The following RBFOX2 variants were observed in gnomAD, a reference collection of about 807,000 sequenced individuals.
RBFOX2 encodes the protein RNA binding fox-1 homolog 2.
A neutral mutation model predicts 49.1 loss-of-function variants in RBFOX2; 10 were observed. The observed-to-expected ratio is 0.20, with a 90% CI of 0.13 to 0.35. The LOEUF is 0.35. Ranked by LOEUF, RBFOX2 falls within the 10% of genes least tolerant of loss-of-function variation. RBFOX2 has a pLI of 1.00. For missense variants in RBFOX2, 323 were observed against 486.9 expected, an observed-to-expected ratio of 0.66 and a Z score of 3.17; for synonymous variants, 183 against 187.4, an observed-to-expected ratio of 0.98 and a Z score of 0.19.
upstream of RBFOX2, among the ~76,000 whole-genome samples, chr22:35,962,289 C>T (rs1329156481): frequency 1.3e-5 from 2 of 152,190 alleles, no homozygotes; most frequent in Admixed American, 6.5e-5. Context: ...TGATCAAACA[C>T]ACTAAGCCTG....
chr22:35,870,532 G>C (rs1281071649), intron 1 of RBFOX2, among the ~76,000 whole-genome samples: 1 of 152,132 alleles, frequency 6.6e-6, no homozygotes, highest in Non-Finnish European at 1.5e-5. Flanking sequence ...AAAATACACA[G>C]AAGTATACTG....
At chr22:35,977,046 T>C (rs1184276053) in intron 1 of RBFOX2, among the ~76,000 whole-genome samples, 2 of 151,274 alleles carry the variant, frequency 1.3e-5, no homozygotes, top group Non-Finnish European at 2.9e-5. Flanking sequence ...AGACCCATCA[T>C]CAAAGAGATA....
At chr22:36,015,757 C>A (rs185387560) in intron 1 of RBFOX2, among the ~76,000 whole-genome samples, 3 of 151,940 alleles carry the variant, frequency 2.0e-5, no homozygotes, top group Admixed American at 2.0e-4. Flanking sequence ...GAAATTTAAT[C>A]GGGGCAGGGG....
chr22:35,839,850 G>GA (rs1177894423), intron 1 of RBFOX2, among the ~76,000 whole-genome samples: 1 of 152,148 alleles, frequency 6.6e-6, no homozygotes, highest in African/African-American at 2.4e-5. Flanking sequence ...CAGTCTACAA[G>GA]AATCTCTTCC....
intron 1 of RBFOX2, among the ~76,000 whole-genome samples, chr22:35,896,798 A>C (rs2047900307): frequency 6.6e-6 from 1 of 152,144 alleles, no homozygotes; most frequent in Non-Finnish European, 1.5e-5. Context: ...GCTTCTTCTG[A>C]AGGCAAGATT....
intron 1 of RBFOX2, among the ~76,000 whole-genome samples, chr22:36,010,796 A>G (rs1181253945): frequency 6.7e-6 from 1 of 149,770 alleles, no homozygotes; most frequent in East Asian, 2.0e-4. Flanking sequence ...TATATTCTCT[A>G]TTTGTTGAGC....
chr22:35,771,433 C>A (rs1250471502), intron 4 of RBFOX2, among the ~76,000 whole-genome samples: 6 of 152,136 alleles, frequency 3.9e-5, no homozygotes, highest in Non-Finnish European at 8.8e-5. Context: ...TCCCTTAGAG[C>A]CTCCTGAAGA....
chr22:35,896,891 G>T (rs1042770526), intron 1 of RBFOX2, among the ~76,000 whole-genome samples: 2 of 152,082 alleles, frequency 1.3e-5, no homozygotes, highest in Non-Finnish European at 2.9e-5. Flanking sequence ...AAGAAAAAAA[G>T]AAAAATAAAT....
At chr22:36,001,255 C>T (rs970393388) in intron 1 of RBFOX2, among the ~76,000 whole-genome samples, 5 of 150,974 alleles carry the variant, frequency 3.3e-5, no homozygotes, top group Non-Finnish European at 7.4e-5. Context: ...TACATGTACA[C>T]ATACATGTAT....
chr22:35,782,069 T>C (rs1462623531), intron 2 of RBFOX2, among the ~76,000 whole-genome samples: 3 of 152,206 alleles, frequency 2.0e-5, no homozygotes, highest in Admixed American at 6.5e-5. Flanking sequence ...GATACAAAAA[T>C]AGTTCCTTCA....
intron 1 of RBFOX2, among the ~76,000 whole-genome samples, chr22:35,950,373 C>T (rs141841386): frequency 1.3e-5 from 2 of 152,280 alleles, no homozygotes; most frequent in Non-Finnish European, 2.9e-5. Context: ...ACAGGAGATA[C>T]ACTGTAGGAG....
Position 35,827,986 on chromosome 22 carries a change from C to A in RBFOX2, c.27+12206G>T, listed in dbSNP as rs559037326. 5.9e-5 allele frequency among the ~76,000 whole-genome samples: 9 copies of A among 151,960 alleles called. No individual in the cohort carries two copies. The East Asian group carries it at 1.7e-3, about 29-fold the overall frequency. On this transcript the variant is annotated intron_variant, in intron 1 of 11. Transcript: ENST00000405409. ...GTTCGACCTGGCCAACAAGGTGAAACCCCATCTCTACTAAAAATACAAAAA... is the reference window on the plus strand; with the variant it reads ...GTTCGACCTGGCCAACAAGGTGAAAACCCATCTCTACTAAAAATACAAAAA...
chr22:35,986,757 G>A (rs1390569966), intron 1 of RBFOX2, among the ~76,000 whole-genome samples: 1 of 152,158 alleles, frequency 6.6e-6, no homozygotes, highest in Non-Finnish European at 1.5e-5. Context: ...CAGTGTTTAA[G>A]AAAGTTATCA....
At chr22:35,971,923 A>G (rs1342090647) in intron 1 of RBFOX2, among the ~76,000 whole-genome samples, 1 of 149,788 alleles carries the variant, frequency 6.7e-6, no homozygotes, top group East Asian at 1.9e-4. Flanking sequence ...AAAAAAAAAA[A>G]AAAAAAAAAA....
At chr22:35,822,038 A>T in intron 1 of RBFOX2, 1 of 497,304 alleles carries the variant, frequency 2.0e-6, no homozygotes. Flanking sequence ...TTACAAAGAG[A>T]GGGCCAGCCT....
chr22:35,978,933 A>G (rs529208585), intron 1 of RBFOX2, among the ~76,000 whole-genome samples: 1 of 152,212 alleles, frequency 6.6e-6, no homozygotes, highest in Non-Finnish European at 1.5e-5. Flanking sequence ...GGAACAGGAT[A>G]GTAGTATAAT....
chr22:35,857,044 A>T (rs540047862), intron 1 of RBFOX2, among the ~76,000 whole-genome samples: 1 of 152,328 alleles, frequency 6.6e-6, no homozygotes, highest in East Asian at 1.9e-4. Context: ...AAAGGAAAAA[A>T]AGAGAAAGAA....
chr22:35,944,338 C>T (rs890333473), intron 1 of RBFOX2, among the ~76,000 whole-genome samples: 1 of 152,038 alleles, frequency 6.6e-6, no homozygotes, highest in East Asian at 1.9e-4. Context: ...TTTTTAAAGC[C>T]GTTTTTCTAA....
chr22:35,916,943 T>C (rs148321614), intron 1 of RBFOX2, among the ~76,000 whole-genome samples: 186 of 151,546 alleles, frequency 1.2e-3, no homozygotes, highest in African/African-American at 4.1e-3. Flanking sequence ...GCACAATACC[T>C]GATGCATAGC....
Sources: gnomAD v4.1 joint callset for allele counts (sites outside exome capture counted in the v4.1 genomes callset) on GRCh38, gnomAD v4.1.1 for gene constraint, MANE v1.5 for transcripts, NCBI Gene and HGNC (gene_info 2026-07-23, HGNC 2026-07-21) for gene names.